Variants in DLG1 observed in about 807,000 individuals in gnomAD.
DLG1 encodes the protein disks large homolog 1.
DLG1 carries 42 observed loss-of-function variants against 123.4 expected under a neutral mutation model. That is an observed-to-expected ratio of 0.34 (90% CI 0.27 to 0.44). The LOEUF (loss-of-function observed/expected upper bound fraction) is 0.44, where lower values mean the gene tolerates loss of function less well. Ranked by LOEUF, DLG1 falls within the 20% of genes least tolerant of loss-of-function variation. The pLI is 1.00. For missense variants in DLG1, 942 were observed against 1,082.6 expected (o/e 0.87, Z 1.82); for synonymous variants, 317 against 356.2 (o/e 0.89, Z 1.24).
chr3:197,095,883 T>C (rs571770196), intron 14 of DLG1, among the ~76,000 whole-genome samples: 1 of 152,348 alleles, frequency 6.6e-6, no homozygotes, highest in East Asian at 1.9e-4. Flanking sequence ...GAAGTTAGAT[T>C]CTGGGTCCAT....
intron 16 of DLG1, 101 bp from the exon 17 acceptor site, chr3:197,081,218 C>T (rs865876140): frequency 4.7e-6 from 5 of 1,064,700 alleles, no homozygotes; most frequent in Non-Finnish European, 5.4e-6. Flanking sequence ...CATTTTTATA[C>T]TCTAAAACCT....
chr3:197,174,605 T>G (rs1181689071), intron 5 of DLG1, among the ~76,000 whole-genome samples: 1 of 152,212 alleles, frequency 6.6e-6, no homozygotes, highest in African/African-American at 2.4e-5. Flanking sequence ...TTCTTAATAT[T>G]GATATGCATC....
intron 5 of DLG1, among the ~76,000 whole-genome samples, chr3:197,151,991 T>C (rs1278404313): frequency 1.3e-5 from 2 of 152,236 alleles, no homozygotes; most frequent in Non-Finnish European, 2.9e-5. Context: ...CTAAGTGAAT[T>C]ATAGAGCTTC....
In DLG1 at chr3:197,226,800, G is replaced by A. The variant is rs541334522; in HGVS notation, c.319-32211C>T. 4.6e-5 allele frequency among the ~76,000 whole-genome samples: 7 copies of A among 152,248 alleles called. No homozygotes were observed. In the East Asian group the frequency reaches 7.7e-4, roughly 17 times the overall value. On this transcript the variant is annotated intron_variant, in intron 4 of 24. Coordinates refer to ENST00000667157, the MANE Select transcript of DLG1 (RefSeq NM_001366207.1). Reference sequence around the variant, plus strand: ...AGAAAGTCAAGCAGTTTAACTCACCGACATATCACTGATTTATCCACTCTT... The same window carrying A: ...AGAAAGTCAAGCAGTTTAACTCACCAACATATCACTGATTTATCCACTCTT...
rs561039920 is a variant in DLG1 at position 197,294,848 on chromosome 3, A to T, written c.151+1498T>A. On this transcript the variant is annotated intron_variant, in intron 3 of 24. Transcript: ENST00000667157. Reference sequence around the variant, plus strand: ...ATTTCACTAACGATTTAATTTTCTTAAGTTACAGCCATCACACAAAGAAAA... The same window carrying T: ...ATTTCACTAACGATTTAATTTTCTTTAGTTACAGCCATCACACAAAGAAAA... Among the ~76,000 whole-genome samples the T allele has an allele frequency of 2.0e-5, 3 of 152,258 alleles. No homozygotes were observed. In the South Asian group the frequency reaches 6.2e-4, roughly 32 times the overall value.
intron 16 of DLG1, among the ~76,000 whole-genome samples, chr3:197,083,704 T>A (rs1752504023): frequency 2.0e-5 from 3 of 152,104 alleles, no homozygotes; most frequent in African/African-American, 7.2e-5. Flanking sequence ...ACAGCTGTCA[T>A]CCCAGAGCTG....
At chr3:197,089,776 ATATATT>A (rs1756687598) in intron 15 of DLG1, among the ~76,000 whole-genome samples, 1 of 152,084 alleles carries the variant, frequency 6.6e-6, no homozygotes, top group Non-Finnish European at 1.5e-5. Context: ...TCCTTCTTCG[ATATATT>A]TGTATATATA....
intron 15 of DLG1, among the ~76,000 whole-genome samples, chr3:197,090,316 AAAAAG>A (rs752121094): frequency 1.2e-4 from 18 of 151,946 alleles, no homozygotes; most frequent in Non-Finnish European, 2.5e-4. Flanking sequence ...TGAAAAAAAA[AAAAAG>A]AAACACCCCA....
At chr3:197,265,393 T>C (rs934007935) in intron 4 of DLG1, among the ~76,000 whole-genome samples, 1 of 152,136 alleles carries the variant, frequency 6.6e-6, no homozygotes, top group Non-Finnish European at 1.5e-5. Flanking sequence ...AGGTGAGTCC[T>C]GTAAATGCCC....
intron 3 of DLG1, 23 bp from the exon 4 acceptor site, chr3:197,282,868 T>G (rs756192827): frequency 1.4e-6 from 2 of 1,387,968 alleles, no homozygotes; most frequent in Admixed American, 2.2e-5. Context: ...AAATAAAAAT[T>G]CATAAGTATT....
intron 10 of DLG1, chr3:197,136,256 G>A (rs907340539): frequency 1.6e-5 from 4 of 253,104 alleles, no homozygotes; most frequent in Middle Eastern, 1.2e-3. Flanking sequence ...AACAAATGAT[G>A]ACATTGTTTT....
At chr3:197,230,950 A>G (rs892266107) in intron 4 of DLG1, among the ~76,000 whole-genome samples, 2 of 149,866 alleles carry the variant, frequency 1.3e-5, no homozygotes, top group Non-Finnish European at 2.9e-5. Flanking sequence ...ATAGTATGTT[A>G]TTTAATCATC....
chr3:197,212,038 G>A (rs1364029742), intron 4 of DLG1, among the ~76,000 whole-genome samples: 2 of 146,152 alleles, frequency 1.4e-5, no homozygotes, highest in East Asian at 2.0e-4. Context: ...GGAACTAAAC[G>A]ATGAGAACTG....
chr3:197,167,418 T>A (rs967534732), intron 5 of DLG1, among the ~76,000 whole-genome samples: 1 of 152,114 alleles, frequency 6.6e-6, no homozygotes, highest in Non-Finnish European at 1.5e-5. Context: ...AGTGGAGAAA[T>A]CTGCAGACAA....
At chr3:197,124,708 T>C (rs547312958) in intron 11 of DLG1, among the ~76,000 whole-genome samples, 182 of 152,162 alleles carry the variant, frequency 1.2e-3, no homozygotes, top group Non-Finnish European at 2.0e-3. Context: ...TGCCAAATAA[T>C]TGGGACCACA....
At chr3:197,235,772 G>A (rs576069114) in intron 4 of DLG1, among the ~76,000 whole-genome samples, 1 of 152,260 alleles carries the variant, frequency 6.6e-6, no homozygotes, top group South Asian at 2.1e-4. Context: ...CAAAGAAGCA[G>A]AAAACTGTGA....
At chr3:197,244,506 G>A (rs1359264070) in intron 4 of DLG1, among the ~76,000 whole-genome samples, 4 of 152,052 alleles carry the variant, frequency 2.6e-5, no homozygotes, top group Non-Finnish European at 5.9e-5. Flanking sequence ...CTCTACGACG[G>A]CCACTTTGGT....
intron 15 of DLG1, 62 bp downstream of exon 15, chr3:197,090,850 A>G: frequency 9.8e-7 from 1 of 1,017,722 alleles, no homozygotes; most frequent in South Asian, 1.7e-5. Flanking sequence ...AGTGAAAAAT[A>G]CAAAATAATT....
chr3:197,286,825 T>A (rs1474791392), intron 3 of DLG1, among the ~76,000 whole-genome samples: 1 of 151,972 alleles, frequency 6.6e-6, no homozygotes, highest in Admixed American at 6.6e-5. Context: ...TCTCCCTGGC[T>A]CCAGCAATTC....
Sources: gnomAD v4.1 joint callset for allele counts (sites outside exome capture counted in the v4.1 genomes callset) on GRCh38, gnomAD v4.1.1 for gene constraint, MANE v1.5 for transcripts, NCBI Gene and HGNC (gene_info 2026-07-23, HGNC 2026-07-21) for gene names.